Variants in EEIG2 observed in about 807,000 individuals in gnomAD.
EEIG2 encodes the protein EEIG family member 2, also known as family with sequence similarity 102 member B.
chr1:108,589,178 A>G, the EEIG2 span, among the ~76,000 whole-genome samples: 1 of 152,122 alleles, frequency 6.6e-6, no homozygotes, highest in Non-Finnish European at 1.5e-5. Context: ...ATCGTCTGGC[A>G]TTCTCAGGGA....
At chr1:108,583,924 A>G in the EEIG2 span, among the ~76,000 whole-genome samples, 2 of 152,158 alleles carry the variant, frequency 1.3e-5, no homozygotes, top group East Asian at 3.9e-4. Flanking sequence ...TATGGAAAGT[A>G]CGTTAGAGGA....
chr1:108,567,080 CAT>C, the EEIG2 span, among the ~76,000 whole-genome samples: 1 of 152,044 alleles, frequency 6.6e-6, no homozygotes, highest in Non-Finnish European at 1.5e-5. Flanking sequence ...AATATATACA[CAT>C]ATCAAAACAT....
the EEIG2 span, among the ~76,000 whole-genome samples, chr1:108,599,758 G>A: frequency 1.8e-4 from 27 of 152,316 alleles, 1 homozygote; most frequent in Middle Eastern, 3.4e-3. Context: ...TTGGGAGGCC[G>A]AGGCAGGTGG....
chr1:108,624,797 A>ATGCCCTAAAAATTCTTTGGGAATTGTG, the EEIG2 span: 35 of 1,475,614 alleles, frequency 2.4e-5, no homozygotes, highest in South Asian at 4.0e-4. Context: ...AGACGACTTG[A>ATGCCCTAAAAATTCTTTGGGAATTGTG]TGCCCTAAAA....
At chr1:108,601,269 T>C in the EEIG2 span, among the ~76,000 whole-genome samples, 1 of 152,062 alleles carries the variant, frequency 6.6e-6, no homozygotes, top group Admixed American at 6.6e-5. Flanking sequence ...TGTTTGTGTG[T>C]GTGTGTATGT....
At chr1:108,566,690 G>T in the EEIG2 span, among the ~76,000 whole-genome samples, 5 of 151,536 alleles carry the variant, frequency 3.3e-5, no homozygotes, top group Admixed American at 3.3e-4. Context: ...AAATTATTCG[G>T]CCTTTTAAAA....
At chr1:108,568,538 CA>C in the EEIG2 span, among the ~76,000 whole-genome samples, 1 of 152,280 alleles carries the variant, frequency 6.6e-6, no homozygotes, top group East Asian at 1.9e-4. Context: ...TTGATTCTTA[CA>C]AAACCCCTTT....
chr1:108,628,065 G>T, the EEIG2 span: 1 of 944,146 alleles, frequency 1.1e-6, no homozygotes, highest in South Asian at 1.5e-5. Flanking sequence ...TTATTGTTTT[G>T]ATAATGAACT....
At chr1:108,614,542 C>G in the EEIG2 span, among the ~76,000 whole-genome samples, 1 of 152,250 alleles carries the variant, frequency 6.6e-6, no homozygotes, top group Non-Finnish European at 1.5e-5. Flanking sequence ...CCATTAAACT[C>G]AAATTCCCTC....
At chr1:108,586,490 C>A in the EEIG2 span, among the ~76,000 whole-genome samples, 1 of 152,076 alleles carries the variant, frequency 6.6e-6, no homozygotes, top group Non-Finnish European at 1.5e-5. Flanking sequence ...TTACTTTCAA[C>A]ATCCCTTCAG....
chr1:108,590,099 C>CT, the EEIG2 span, among the ~76,000 whole-genome samples: 1 of 152,140 alleles, frequency 6.6e-6, no homozygotes, highest in Non-Finnish European at 1.5e-5. Flanking sequence ...ATTTCCCTCA[C>CT]TCCCTAATCC....
the EEIG2 span, among the ~76,000 whole-genome samples, chr1:108,571,211 C>G: frequency 2.6e-5 from 4 of 152,002 alleles, no homozygotes; most frequent in Non-Finnish European, 5.9e-5. Context: ...CTTTTAAACC[C>G]TAAGCTTGAA....
chr1:108,596,671 A>G, the EEIG2 span, among the ~76,000 whole-genome samples: 28 of 151,972 alleles, frequency 1.8e-4, no homozygotes, highest in East Asian at 5.2e-3. Context: ...TTTCTTTTTT[A>G]TATCACTCAG....
chr1:108,562,107 AG>A, the EEIG2 span, among the ~76,000 whole-genome samples: 4 of 152,356 alleles, frequency 2.6e-5, no homozygotes, highest in East Asian at 7.7e-4. Flanking sequence ...TCTATAAGGT[AG>A]GGGTTCCATT....
the EEIG2 span, among the ~76,000 whole-genome samples, chr1:108,591,015 G>C: frequency 6.6e-6 from 1 of 152,132 alleles, no homozygotes; most frequent in Non-Finnish European, 1.5e-5. Flanking sequence ...GTCAGCAGCT[G>C]TATCACTTTA....
At chr1:108,575,094 T>C in the EEIG2 span, among the ~76,000 whole-genome samples, 1 of 152,242 alleles carries the variant, frequency 6.6e-6, no homozygotes, top group Non-Finnish European at 1.5e-5. Context: ...GATAACTGTT[T>C]AACATCAGAG....
At chr1:108,587,465 T>G in the EEIG2 span, among the ~76,000 whole-genome samples, 3 of 152,130 alleles carry the variant, frequency 2.0e-5, no homozygotes, top group African/African-American at 7.2e-5. Context: ...ACACTTGGTG[T>G]TGTCCATTCT....
chr1:108,560,935 C>G, the EEIG2 span, among the ~76,000 whole-genome samples: 18 of 152,206 alleles, frequency 1.2e-4, no homozygotes, highest in African/African-American at 4.3e-4. Flanking sequence ...AAGAGCCCAG[C>G]TCTGAACAGA....
At chr1:108,589,384 A>T in the EEIG2 span, among the ~76,000 whole-genome samples, 1 of 152,098 alleles carries the variant, frequency 6.6e-6, no homozygotes, top group Non-Finnish European at 1.5e-5. Flanking sequence ...AAATATTTGA[A>T]ATGTCTGTGT....
Sources: allele counts gnomAD v4.1 joint callset (sites outside exome capture counted in the v4.1 genomes callset), GRCh38; gene constraint gnomAD v4.1.1; transcripts MANE v1.5; gene names NCBI Gene and HGNC (gene_info 2026-07-23, HGNC 2026-07-21).